The following ZFHX3 variants were observed in gnomAD, a reference collection of about 807,000 sequenced individuals.
The protein encoded by ZFHX3 is zinc finger homeobox 3, also known as zinc finger homeobox protein 3.
In ZFHX3, 42 loss-of-function variants were observed where a neutral mutation model predicts 279.1. That is an observed-to-expected ratio of 0.15 (90% CI 0.12 to 0.19). The LOEUF (loss-of-function observed/expected upper bound fraction) is 0.19, where lower values mean the gene tolerates loss of function less well. Among genes scored for constraint, ZFHX3 ranks in the 10% least tolerant of loss-of-function variants. The pLI, the probability that ZFHX3 is intolerant of heterozygous loss-of-function variation, is 1.00. For synonymous variants in ZFHX3, 2,293 were observed against 1,957.8 expected (o/e 1.17, Z -4.52); for missense variants, 4,981 against 4,754.0 (o/e 1.05, Z -1.40).
At chr16:73,036,964 G>A (rs1048212656) in intron 1 of ZFHX3, among the ~76,000 whole-genome samples, 6 of 152,162 alleles carry the variant, frequency 3.9e-5, no homozygotes, top group Non-Finnish European at 8.8e-5. Context: ...TGTGAGAGAA[G>A]TTATTTTTGT....
intron 2 of ZFHX3, among the ~76,000 whole-genome samples, chr16:73,596,491 AC>A (rs1198956311): frequency 2.0e-5 from 3 of 151,728 alleles, no homozygotes; most frequent in Admixed American, 2.0e-4. Flanking sequence ...GGTCATCCCC[AC>A]CCACCACTCT....
At chr16:73,670,020 A>T (rs2142183858) in intron 2 of ZFHX3, among the ~76,000 whole-genome samples, 1 of 152,354 alleles carries the variant, frequency 6.6e-6, no homozygotes, top group East Asian at 1.9e-4. Context: ...GAATAAAAAT[A>T]GCACCTGCAG....
At chr16:73,250,984 C>G (rs1419006340) in intron 5 of ZFHX3, among the ~76,000 whole-genome samples, 1 of 152,150 alleles carries the variant, frequency 6.6e-6, no homozygotes, top group African/African-American at 2.4e-5. Context: ...CATCTGCAAT[C>G]TGAGTCATGT....
At chr16:72,981,155 A>C (rs1962580777) in intron 1 of ZFHX3, among the ~76,000 whole-genome samples, 1 of 152,104 alleles carries the variant, frequency 6.6e-6, no homozygotes, top group Non-Finnish European at 1.5e-5. Context: ...CTCCTTTCAA[A>C]CACCACCATC....
At chr16:73,004,144 T>C (rs1963609191) in intron 1 of ZFHX3, among the ~76,000 whole-genome samples, 1 of 139,216 alleles carries the variant, frequency 7.2e-6, no homozygotes, top group African/African-American at 2.7e-5. Flanking sequence ...CAATAATAAC[T>C]ACATAAAAAC....
chr16:73,566,242 G>GA (rs2020449332), intron 2 of ZFHX3, among the ~76,000 whole-genome samples: 1 of 152,250 alleles, frequency 6.6e-6, no homozygotes, highest in Non-Finnish European at 1.5e-5. Context: ...GATGGCAAGG[G>GA]AAAATCAGAT....
intron 5 of ZFHX3, among the ~76,000 whole-genome samples, chr16:73,204,715 G>T (rs2011734897): frequency 6.6e-6 from 1 of 152,132 alleles, no homozygotes; most frequent in South Asian, 2.1e-4. Flanking sequence ...ACCTTGCAAG[G>T]ATATAGTGCA....
chr16:73,624,036 G>A (rs369917331), intron 2 of ZFHX3, among the ~76,000 whole-genome samples: 1 of 152,068 alleles, frequency 6.6e-6, no homozygotes, highest in Non-Finnish European at 1.5e-5. Flanking sequence ...AGTTGCATCC[G>A]TCCAACCATG....
chr16:73,286,221 T>C (rs555029973), intron 4 of ZFHX3, among the ~76,000 whole-genome samples: 47 of 151,978 alleles, frequency 3.1e-4, no homozygotes, highest in African/African-American at 1.1e-3. Context: ...GTCACACCCA[T>C]ACAAATAAAT....
At chr16:73,252,127 G>A (rs563091663) in intron 5 of ZFHX3, among the ~76,000 whole-genome samples, 1 of 152,324 alleles carries the variant, frequency 6.6e-6, no homozygotes, top group South Asian at 2.1e-4. Flanking sequence ...GCTGGGAAGA[G>A]ATTATTTTTA....
chr16:72,889,503 A>G (rs58565957), intron 4 of ZFHX3, among the ~76,000 whole-genome samples: 6,715 of 149,670 alleles, frequency 0.045, 287 homozygotes, highest in African/African-American at 0.11. Context: ...AAAAAAAAAA[A>G]AAGAAGAAGA....
chr16:72,883,253 ACTC>A (rs1402172648), intron 4 of ZFHX3, among the ~76,000 whole-genome samples: 5 of 152,006 alleles, frequency 3.3e-5, no homozygotes, highest in Admixed American at 6.6e-5. Flanking sequence ...CCTGAGAACT[ACTC>A]CTATCCTCTC....
intron 5 of ZFHX3, among the ~76,000 whole-genome samples, chr16:73,187,397 C>T (rs185405802): frequency 2.0e-5 from 3 of 151,152 alleles, no homozygotes; most frequent in Admixed American, 6.6e-5. Flanking sequence ...TACAGAGAAA[C>T]GTCAAGGACA....
intron 5 of ZFHX3, among the ~76,000 whole-genome samples, chr16:72,815,150 G>A (rs1343377224): frequency 6.6e-6 from 1 of 152,186 alleles, no homozygotes; most frequent in African/African-American, 2.4e-5. Context: ...GCTCACGCCT[G>A]TAATCCTAGC....
intron 1 of ZFHX3, among the ~76,000 whole-genome samples, chr16:73,684,093 A>G (rs947595289): frequency 6.6e-6 from 1 of 152,192 alleles, no homozygotes; most frequent in Non-Finnish European, 1.5e-5. Flanking sequence ...CAGGAGCTTG[A>G]CACTAGCCTG....
intron 5 of ZFHX3, among the ~76,000 whole-genome samples, chr16:72,825,613 A>C (rs889986575): frequency 6.6e-6 from 1 of 152,222 alleles, no homozygotes; most frequent in Admixed American, 6.5e-5. Flanking sequence ...TGAGCAATTC[A>C]TGGCATGCCT....
At chr16:73,792,881 G>T (rs1959873248) in intron 1 of ZFHX3, among the ~76,000 whole-genome samples, 1 of 138,934 alleles carries the variant, frequency 7.2e-6, no homozygotes, top group Non-Finnish European at 1.5e-5. Context: ...TCTCTGCTGT[G>T]AACAAAGCCA....
intron 4 of ZFHX3, among the ~76,000 whole-genome samples, chr16:72,857,496 G>T (rs2037782002): frequency 6.6e-6 from 1 of 152,206 alleles, no homozygotes; most frequent in African/African-American, 2.4e-5. Context: ...CCCAGCCTGT[G>T]CAACATAGCG....
chr16:73,607,990 C>A (rs2052207965), intron 2 of ZFHX3, among the ~76,000 whole-genome samples: 1 of 151,948 alleles, frequency 6.6e-6, no homozygotes, highest in Non-Finnish European at 1.5e-5. Context: ...AGGTGGGTTG[C>A]CTGAGTCCAG....
Sources: gnomAD v4.1 joint callset for allele counts (sites outside exome capture counted in the v4.1 genomes callset) on GRCh38, gnomAD v4.1.1 for gene constraint, MANE v1.5 for transcripts, NCBI Gene and HGNC (gene_info 2026-07-23, HGNC 2026-07-21) for gene names.